Variants in CLCN6 observed in about 807,000 individuals in gnomAD.
CLCN6 encodes the protein H(+)/Cl(-) exchange transporter 6.
In CLCN6, 70 loss-of-function variants were observed where a neutral mutation model predicts 109.8. That is an observed-to-expected ratio of 0.64 (90% CI 0.53 to 0.78). The LOEUF is 0.78. CLCN6 is among the 30% of genes least tolerant of loss of function. The probability of loss-of-function intolerance (pLI) is 0.00; values close to 1 mark genes in which losing one functional copy is unlikely to be tolerated. For missense variants in CLCN6, 984 were observed against 1,142.3 expected (o/e 0.86, Z 2.00); for synonymous variants, 444 against 447.8 (o/e 0.99, Z 0.11).
At chr1:11,821,904 C>T (rs7552534) in intron 5 of CLCN6, among the ~76,000 whole-genome samples, 7 of 152,078 alleles carry the variant, frequency 4.6e-5, no homozygotes, top group African/African-American at 1.7e-4. Context: ...TGAAAGTGAA[C>T]GAACCACAGA....
Position 11,809,005 on chromosome 1 carries a change from G to A in CLCN6, c.147+1815G>A, listed in dbSNP as rs190369150. ...GCCTCCCGAGTAGATGGGATTACAGGCGCCCACCACCATGCCCGGCTAATT... is the reference window on the plus strand; with the variant it reads ...GCCTCCCGAGTAGATGGGATTACAGACGCCCACCACCATGCCCGGCTAATT... On this transcript the variant is annotated intron_variant, in intron 2 of 22. Coordinates refer to ENST00000346436, the MANE Select transcript of CLCN6 (RefSeq NM_001286.5). Among the ~76,000 whole-genome samples the A allele has an allele frequency of 1.4e-4, 22 of 151,998 alleles. No homozygotes were observed. The East Asian group carries it at 3.9e-3, about 27-fold the overall frequency.
rs1395469870 is a variant in CLCN6, at chr1:11,837,335, T to C, written c.2139-8T>C. ...TATCCCAGGCAGCATCTGGTTTTTG[T>C]GTAACAGATACACTCCCTACCCCAA... On this transcript the variant is annotated splice_region_variant and splice_polypyrimidine_tract_variant and intron_variant, in intron 19 of 22. Transcript: ENST00000346436. The C allele has an allele frequency of 6.2e-7, 1 of 1,604,822 alleles. No individual in the cohort carries two copies. Among genetic ancestry groups the C allele is most frequent in the African/African-American group, 1.3e-5 (1 of 74,742 alleles).
rs112224342 is a variant in CLCN6, at chr1:11,809,960, G to A, written c.147+2770G>A. 3.6e-3 allele frequency among the ~76,000 whole-genome samples: 542 copies of A among 152,152 alleles called. 1 individual carries two copies. The highest frequency in any genetic ancestry group is 0.013 in the African/African-American group (523 of 41,488). ...AGTATAATAAAGAGGGGAGTGAGTG[G>A]GACAGGTTAAAATAGTTGATTTAGT... On this transcript the variant is annotated intron_variant, in intron 2 of 22. Coordinates refer to ENST00000346436, the MANE Select transcript of CLCN6 (RefSeq NM_001286.5).
At chr1:11,830,737 T>TCATATATATATA (rs1359328796) in intron 13 of CLCN6, among the ~76,000 whole-genome samples, 9 of 91,110 alleles carry the variant, frequency 9.9e-5, no homozygotes, top group Admixed American at 7.9e-4. Context: ...TATGTATATA[T>TCATATATATATA]TATATATATA....
chr1:11,837,581 A>G lies in CLCN6; in HGVS notation c.2295+82A>G, dbSNP rs1644966973. ...TGGGCGCTGCCGGCGGGCCGTGAAC[A>G]GTGCCATAGGGAAAGCTGAATGCAA... On this transcript the variant is annotated intron_variant, in intron 20 of 22. Coordinates refer to ENST00000346436, the MANE Select transcript of CLCN6 (RefSeq NM_001286.5). The G allele has an allele frequency of 2.8e-6, 4 of 1,405,014 alleles. No individual in the cohort carries two copies. In the Admixed American group the frequency reaches 5.6e-5, roughly 20 times the overall value. 87.0% of individuals were successfully genotyped at this position (1,405,014 alleles called of 1,614,324 possible).
At chr1:11,809,948 G>C (rs1036513730) in intron 2 of CLCN6, among the ~76,000 whole-genome samples, 1 of 152,192 alleles carries the variant, frequency 6.6e-6, no homozygotes. Flanking sequence ...ATAATAAAGA[G>C]GGGAGTGAGT....
intron 12 of CLCN6, among the ~76,000 whole-genome samples, 172 bp downstream of exon 12, chr1:11,828,796 G>A (rs1644845303): frequency 6.6e-6 from 1 of 152,212 alleles, no homozygotes; most frequent in Admixed American, 6.5e-5. Context: ...CCAAAGGGCT[G>A]AGCCAGCTTA....
intron 13 of CLCN6, among the ~76,000 whole-genome samples, chr1:11,830,921 C>T (rs921287583): frequency 6.6e-6 from 1 of 151,924 alleles, no homozygotes; most frequent in African/African-American, 2.4e-5. Flanking sequence ...GCAACTTCCG[C>T]CTCCCAAGTT....
In CLCN6 at chr1:11,834,688, TC is replaced by T; in HGVS notation, c.1793+99del. On this transcript the variant is annotated intron_variant, in intron 17 of 22. Transcript: ENST00000346436. The surrounding 1 kb of genome is among the most constrained non-coding windows in gnomAD (Gnocchi z 4.5). ...AGGGTAGGAAACAGTAACTCACTTT[TC>T]TTGGGCTGAAAGAAGCAACACACCC... 7 of 1,048,236 alleles carry T rather than the reference TC, an allele frequency of 6.7e-6. No individual in the cohort carries two copies. 64.9% of individuals were successfully genotyped at this position (1,048,236 alleles called of 1,614,324 possible). A position where few individuals can be genotyped will look rare whatever the true frequency, so the allele number is the denominator to read the frequency against.
intron 2 of CLCN6, among the ~76,000 whole-genome samples, chr1:11,814,001 A>G (rs754818618): frequency 6.6e-6 from 1 of 152,152 alleles, no homozygotes; most frequent in Non-Finnish European, 1.5e-5. Flanking sequence ...ATTTGGATGT[A>G]TAATTGATTT....
At position 11,840,359 on chromosome 1, in the gene CLCN6, G is replaced by A. The variant is rs891827798; in HGVS notation, c.*136G>A. 21 of 790,626 alleles carry A rather than the reference G, an allele frequency of 2.7e-5. No homozygotes were observed. The highest frequency in any genetic ancestry group is 2.8e-4 in the Middle Eastern group (1 of 3,550). 49.0% of individuals were successfully genotyped at this position (790,626 alleles called of 1,614,324 possible). Reference sequence around the variant, plus strand: ...CTCACTCAGAAAGCCGGGAGTCATCGGACACCTTGCTGGTCAGAGGTCCTG... The same window carrying A: ...CTCACTCAGAAAGCCGGGAGTCATCAGACACCTTGCTGGTCAGAGGTCCTG... On this transcript the variant is annotated 3_prime_UTR_variant, in exon 23 of 23. Coordinates refer to ENST00000346436, the MANE Select transcript of CLCN6 (RefSeq NM_001286.5).
At chr1:11,828,776 A>G (rs936121288) in intron 12 of CLCN6, 152 bp downstream of exon 12, 78 of 874,804 alleles carry the variant, frequency 8.9e-5, no homozygotes, top group Non-Finnish European at 9.5e-5. Context: ...CATCTTCCCT[A>G]CTTGACAGGC....
intron 4 of CLCN6, among the ~76,000 whole-genome samples, chr1:11,818,504 C>T (rs538913415): frequency 6.6e-6 from 1 of 152,262 alleles, no homozygotes; most frequent in South Asian, 2.1e-4. Context: ...AACTTTACCT[C>T]CTACCTTTGT....
rs759665554 is a variant in CLCN6 at position 11,838,629 on chromosome 1, G to T, written c.2498G>T (p.Arg833Leu). The stretch of plus-strand genomic sequence containing the variant: ...AACCTGTTCAGAACGATGGGCCTGC[G>T]CCACCTGCCCGTGGTGAACGCTGTG... ...VFNLFRTMGL[R>L]HLPVVNAVGE... is the part of the protein sequence containing the mutation. The change falls in exon 22 of 23, where the codon CGC becomes CTC. Residue 833 changes from arginine to leucine, a missense_variant. Arg to Leu is a moderately radical substitution (Grantham distance 102). Transcript: ENST00000346436. The T allele has an allele frequency of 6.2e-7, 1 of 1,614,088 alleles. No homozygotes were observed. Among genetic ancestry groups the T allele is most frequent in the African/African-American group, 1.3e-5 (1 of 74,926 alleles).
In CLCN6 at chr1:11,837,558, G is replaced by A. The variant is rs533196210; in HGVS notation, c.2295+59G>A. The A allele has an allele frequency of 2.6e-6, 4 of 1,550,930 alleles. No individual in the cohort carries two copies. In the South Asian group the frequency reaches 4.6e-5, roughly 18 times the overall value. On this transcript the variant is annotated intron_variant, in intron 20 of 22. Transcript: ENST00000346436. ...AGACCTGACGAAGCTCGAGGGGTTG[G>A]GCGCTGCCGGCGGGCCGTGAACAGT...
intron 4 of CLCN6, among the ~76,000 whole-genome samples, chr1:11,816,949 G>C (rs1010286203): frequency 4.0e-5 from 6 of 151,762 alleles, no homozygotes; most frequent in Admixed American, 2.0e-4. Context: ...CTCTTGAAGC[G>C]CTCAAAGGTT....
chr1:11,828,688 C>T (rs1644843887), intron 12 of CLCN6, 64 bp downstream of exon 12: 2 of 1,500,792 alleles, frequency 1.3e-6, no homozygotes, highest in Non-Finnish European at 1.8e-6. Flanking sequence ...GTGGGCCGCG[C>T]CATCTCTCCC....
intron 2 of CLCN6, among the ~76,000 whole-genome samples, chr1:11,807,675 A>T (rs1231119683): frequency 6.6e-6 from 1 of 152,220 alleles, no homozygotes; most frequent in African/African-American, 2.4e-5. Flanking sequence ...TTTTTAGTAA[A>T]GCCAACACTG....
chr1:11,825,421 C>A (rs1360137574), intron 8 of CLCN6, among the ~76,000 whole-genome samples: 3 of 152,254 alleles, frequency 2.0e-5, no homozygotes, highest in Non-Finnish European at 4.4e-5. Flanking sequence ...GGGCCCTTCT[C>A]TTCCTGGCGC....
Sources: gnomAD v4.1 joint callset for allele counts (sites outside exome capture counted in the v4.1 genomes callset) on GRCh38, gnomAD v4.1.1 for gene constraint, Gnocchi (gnomAD v3.1) non-coding constraint, MANE v1.5 for transcripts, NCBI Gene and HGNC (gene_info 2026-07-23, HGNC 2026-07-21) for gene names.